Variants in CDK16 observed in about 807,000 individuals in gnomAD.
CDK16 encodes cyclin-dependent kinase 16.
In CDK16, 2 loss-of-function variants were observed where a neutral mutation model predicts 41.6. The ratio of observed to expected loss-of-function variants is 0.05; its 90% CI spans 0.02 to 0.15. CDK16 has a LOEUF of 0.15. CDK16 is among the 10% of genes least tolerant of loss of function. The probability of loss-of-function intolerance (pLI) is 1.00; values close to 1 mark genes in which losing one functional copy is unlikely to be tolerated. For synonymous variants in CDK16, 169 were observed against 169.7 expected, an observed-to-expected ratio of 1.00 and a Z score of 0.03; for missense variants, 228 against 428.9, an observed-to-expected ratio of 0.53 and a Z score of 4.14.
At chrX:47,223,834 T>A (rs998592637) in intron 2 of CDK16, 75 bp downstream of exon 2, 7 of 930,082 alleles carry the variant, frequency 7.5e-6, no homozygotes, top group Non-Finnish European at 1.1e-5. Context: ...GTCACATTCC[T>A]CATTTTCCTC....
intron 2 of CDK16, among the ~76,000 whole-genome samples, 155 bp downstream of exon 2, chrX:47,223,914 A>G (rs1310348213): frequency 9.6e-6 from 1 of 104,234 alleles, no homozygotes; most frequent in Non-Finnish European, 2.0e-5. Flanking sequence ...TTCTCTCAAC[A>G]CCGTCTGTCT....
Position 47,224,476 on chromosome X carries a change from A to T in CDK16, c.294A>T (p.Arg98Ser). 2 of 1,206,024 alleles carry T rather than the reference A, an allele frequency of 1.7e-6. No homozygotes were observed. Among genetic ancestry groups the T allele is most frequent in the Admixed American group, 2.2e-5 (1 of 45,770 alleles). Residue 98 changes from arginine to serine, a missense_variant, in exon 3 of 16, where the codon AGA becomes AGT. Physicochemically the swap from Arg to Ser is moderately radical, Grantham distance 110. Transcript: ENST00000357227. ...CGGATGAGGTGCAGTCTCCAGTGAG[A>T]GTGCGTATGCGCAACCATCCCCCAC... The part of the protein sequence containing the change: ...TSSDEVQSPV[R>S]VRMRNHPPRK...
At chrX:47,219,897 G>A (rs1485664970) in intron 1 of CDK16, among the ~76,000 whole-genome samples, 1 of 110,636 alleles carries the variant, frequency 9.0e-6, no homozygotes, top group African/African-American at 3.3e-5. Flanking sequence ...AGGACCTGAG[G>A]GTATCTAACG....
rs1470221384 is a variant in CDK16, at chrX:47,226,371, C to T, written c.885C>T (p.Asn295=). 3 of 1,208,346 alleles carry T rather than the reference C, an allele frequency of 2.5e-6. No homozygotes were observed. The highest frequency in any genetic ancestry group is 3.5e-5 in the African/African-American group (2 of 56,717). Residue 295 remains asparagine (N), a synonymous_variant, in exon 9 of 16, where the codon AAC becomes AAT. Coordinates refer to ENST00000357227, the MANE Select transcript of CDK16 (RefSeq NM_006201.5). The part of the protein sequence containing the change: ...RDLKPQNLLI[N]ERGELKLADF... ...TCAAGCCCCAGAACCTGCTCATCAA[C>T]GAGAGGGGAGAGCTCAAGCTGGCTG... is the stretch of plus-strand genomic sequence containing the variant.
In CDK16 at chrX:47,218,759, C is replaced by A; in HGVS notation, c.-353C>A. 1 of 1,157,847 alleles carries A rather than the reference C, an allele frequency of 8.6e-7. No individual in the cohort carries two copies. On this transcript the variant is annotated 5_prime_UTR_variant, in exon 1 of 16. Transcript: ENST00000357227. ...GGCGGTTGGGCCGTTGGCTGTTCGGCCCTGGGATCCGCCGCCACTCCGCGA... is the reference window on the plus strand; with the variant it reads ...GGCGGTTGGGCCGTTGGCTGTTCGGACCTGGGATCCGCCGCCACTCCGCGA...
At chrX:47,219,153 C>T (rs1013441380) in intron 1 of CDK16, 48 bp downstream of exon 1, 1 of 783,909 alleles carries the variant, frequency 1.3e-6, no homozygotes, top group East Asian at 1.5e-4. Flanking sequence ...CCTTCAGAAC[C>T]CACCTCGGGC....
Position 47,219,058 on chromosome X carries a change from C to T in CDK16, c.-54C>T. 1.2e-6 allele frequency: 1 copy of T among 821,003 alleles called. No individual in the cohort carries two copies. The highest frequency in any genetic ancestry group is 1.5e-6 in the Non-Finnish European group (1 of 684,274). 67.7% of individuals were successfully genotyped at this position (821,003 alleles called of 1,213,427 possible). On this transcript the variant is annotated 5_prime_UTR_variant, in exon 1 of 16. Transcript: ENST00000357227. ...TCATCCCGGGCCGCCGCCCCAGGCG[C>T]CGCCGCGCCGGCCCCGCGGCTCTGA...
upstream of CDK16, chrX:47,218,660 C>A (rs1556796027): frequency 8.6e-7 from 1 of 1,168,239 alleles, no homozygotes; most frequent in East Asian, 3.3e-5. Flanking sequence ...TACATGCAGT[C>A]CGAGGTGAGT....
chrX:47,227,320 CAG>C lies in CDK16; in HGVS notation c.1285-53_1285-52del. ...AACCAGGGGCAGGGTCTGAGGTGGG[CAG>C]AGAGACCTACTTGTTGAAGATATCA... On this transcript the variant is annotated intron_variant, in intron 13 of 15. Coordinates refer to ENST00000357227, the MANE Select transcript of CDK16 (RefSeq NM_006201.5). 3.7e-6 allele frequency: 4 copies of C among 1,093,846 alleles called. No homozygotes were observed. In the South Asian group the frequency reaches 5.7e-5, roughly 16 times the overall value. The allele number at this position is 1,093,846 out of a possible 1,213,427, so 90.1% of individuals were successfully genotyped here. A position where few individuals can be genotyped will look rare whatever the true frequency, so the allele number is the denominator to read the frequency against.
upstream of CDK16, chrX:47,218,472 T>C (rs1602667823): frequency 1.6e-6 from 1 of 615,679 alleles, no homozygotes; most frequent in Non-Finnish European, 2.4e-6. Context: ...CGAGTGGTGA[T>C]TGACGCGCCA....
At chrX:47,228,201 T>G (rs1160493165) in intron 14 of CDK16, 2 of 156,814 alleles carry the variant, frequency 1.3e-5, no homozygotes, top group Non-Finnish European at 2.4e-5. Context: ...CTATAAAAGA[T>G]TTTTTTAAAA....
At position 47,226,412 on chromosome X, in the gene CDK16, G is replaced by C. The variant is rs1407722003; in HGVS notation, c.916+10G>C. On this transcript the variant is annotated intron_variant, in intron 9 of 15. Transcript: ENST00000357227. ...AAGCTGGCTGACTTTGGTACCACTG[G>C]CCTCCCCTTTCTTATTGGCTCCCCA... The C allele has an allele frequency of 2.5e-6, 3 of 1,207,097 alleles. No individual in the cohort carries two copies. The highest frequency in any genetic ancestry group is 3.4e-6 in the Non-Finnish European group (3 of 893,488).
Position 47,227,701 on chromosome X carries a change from A to C in CDK16, c.1375+232A>C, listed in dbSNP as rs978086737. 3.2e-5 allele frequency: 13 copies of C among 401,118 alleles called. 1 individual carries two copies. The Admixed American group carries it at 5.3e-4, about 16-fold the overall frequency. 33.1% of individuals were successfully genotyped at this position (401,118 alleles called of 1,213,427 possible). A position where few individuals can be genotyped will look rare whatever the true frequency, so the allele number is the denominator to read the frequency against. On this transcript the variant is annotated intron_variant, in intron 14 of 15. Coordinates refer to ENST00000357227, the MANE Select transcript of CDK16 (RefSeq NM_006201.5). ...ATAAAAATATATGCAATAGCACTTT[A>C]CTTTTTTTAAAGTAGACATTTCCTT... is the stretch of plus-strand genomic sequence containing the variant.
At chrX:47,225,434 G>T (rs771816870) in intron 6 of CDK16, among the ~76,000 whole-genome samples, 2 of 111,963 alleles carry the variant, frequency 1.8e-5, no homozygotes, top group African/African-American at 6.5e-5. Context: ...TCGATTTCAC[G>T]CGATGCTGCA....
chrX:47,219,759 G>A (rs1243894503), intron 1 of CDK16, among the ~76,000 whole-genome samples: 2 of 110,662 alleles, frequency 1.8e-5, no homozygotes, highest in Non-Finnish European at 3.8e-5. Context: ...TGGAGGGCAG[G>A]TAGCTGAAGG....
Position 47,218,715 on chromosome X carries a change from C to T in CDK16, c.-397C>T. On this transcript the variant is annotated 5_prime_UTR_variant, in exon 1 of 16. Transcript: ENST00000357227. ...CCTTCCGAGCGCCTGCGTGCGCATG[C>T]GCGGAGCGCGGCGCGCGCGGCGGTT... 1 of 1,162,358 alleles carries T rather than the reference C, an allele frequency of 8.6e-7. No individual in the cohort carries two copies.
upstream of CDK16, chrX:47,218,546 A>C: frequency 1.8e-6 from 2 of 1,091,684 alleles, no homozygotes; most frequent in Non-Finnish European, 2.4e-6. Flanking sequence ...CTGAGTACTA[A>C]ACAGCCTCCA....
chrX:47,218,405 T>C (rs1602667731), upstream of CDK16: 2 of 398,776 alleles, frequency 5.0e-6, no homozygotes, highest in African/African-American at 5.1e-5. Flanking sequence ...TTTTCCTCCT[T>C]GCAAAAGTCC....
chrX:47,225,713 C>T, intron 6 of CDK16, 59 bp from the exon 7 acceptor site: 1 of 889,060 alleles, frequency 1.1e-6, no homozygotes, highest in Non-Finnish European at 1.7e-6. Flanking sequence ...TTGTCCTCAC[C>T]TCTGTCCTGA....
Sources: allele counts gnomAD v4.1 joint callset (sites outside exome capture counted in the v4.1 genomes callset), GRCh38; gene constraint gnomAD v4.1.1; transcripts MANE v1.5; gene names NCBI Gene and HGNC (gene_info 2026-07-23, HGNC 2026-07-21).